Variants in SPINK9 observed in about 807,000 individuals in gnomAD.
SPINK9 encodes serine peptidase inhibitor Kazal type 9, also known as serine protease inhibitor Kazal-type 9.
In SPINK9, 3 loss-of-function variants were observed where a neutral mutation model predicts 10.8. That is an observed-to-expected ratio of 0.28 (90% CI 0.13 to 0.72). SPINK9 has a LOEUF of 0.72. Ranked by LOEUF, SPINK9 falls within the 30% of genes least tolerant of loss-of-function variation. The pLI, the probability that SPINK9 is intolerant of heterozygous loss-of-function variation, is 0.74. For missense variants in SPINK9, 101 were observed against 103.2 expected, an observed-to-expected ratio of 0.98 and a Z score of 0.09; for synonymous variants, 30 against 31.2, an observed-to-expected ratio of 0.96 and a Z score of 0.12.
At chr5:148,325,241 G>A (rs1205369741) in intron 2 of SPINK9, among the ~76,000 whole-genome samples, 1 of 152,030 alleles carries the variant, frequency 6.6e-6, no homozygotes, top group Admixed American at 6.6e-5. Flanking sequence ...GTACATTCAT[G>A]TACAAGTTTT....
At position 148,338,581 on chromosome 5, in the gene SPINK9, A is replaced by T; in HGVS notation, c.191A>T (p.Asp64Val). ...CGSDGKTYKN[D>V]CFFCSKVKKT... ...TCTGATGGCAAAACTTATAAAAATG[A>T]TTGCTTCTTCTGTTCTAAAGTTAAG... is the stretch of plus-strand genomic sequence containing the variant. The change falls in exon 3 of 4, where the codon GAT becomes GTT. Residue 64 changes from aspartate (D) to valine (V), a missense_variant. Asp to Val is a radical substitution (Grantham distance 152, BLOSUM62 -3). Transcript: ENST00000377906. 6.3e-7 allele frequency: 1 copy of T among 1,594,516 alleles called. No homozygotes were observed. The highest frequency in any genetic ancestry group is 8.6e-7 in the Non-Finnish European group (1 of 1,164,554).
chr5:148,321,630 T>C lies in SPINK9; in HGVS notation c.-73+230T>C, dbSNP rs148422916. Among the ~76,000 whole-genome samples the C allele has an allele frequency of 7.9e-5, 12 of 152,204 alleles. No individual in the cohort carries two copies. The East Asian group carries it at 2.3e-3, about 29-fold the overall frequency. On this transcript the variant is annotated intron_variant, in intron 1 of 4. Coordinates refer to the SPINK9 transcript ENST00000511717. ...ATGCCACCCTGATTTTCAACATCAG[T>C]ATGGTATCATTGACTTAAAATCTAG...
intron 2 of SPINK9, among the ~76,000 whole-genome samples, chr5:148,329,384 ATTC>A (rs1367009187): frequency 6.7e-6 from 1 of 150,330 alleles, no homozygotes; most frequent in Admixed American, 6.6e-5. Flanking sequence ...CATCTATTTG[ATTC>A]TTCTCTCTTT....
At chr5:148,339,617 A>T (rs1399492031) in intron 3 of SPINK9, 50 bp from the exon 4 acceptor site, 1 of 1,543,162 alleles carries the variant, frequency 6.5e-7, no homozygotes, top group South Asian at 1.1e-5. Context: ...ATGCTAATGA[A>T]ATGCCTATGG....
At chr5:148,327,292 C>A (rs1490067889) in intron 2 of SPINK9, among the ~76,000 whole-genome samples, 1 of 152,176 alleles carries the variant, frequency 6.6e-6, no homozygotes, top group East Asian at 1.9e-4. Flanking sequence ...TGTTTTTTGG[C>A]CGCATAAATG....
chr5:148,328,353 G>T (rs1212170388), intron 2 of SPINK9, among the ~76,000 whole-genome samples: 13 of 152,160 alleles, frequency 8.5e-5, no homozygotes, highest in Admixed American at 8.5e-4. Context: ...TATTGATTTT[G>T]CATCCTGAGA....
At chr5:148,326,848 A>C (rs924686904) in intron 2 of SPINK9, among the ~76,000 whole-genome samples, 1 of 151,590 alleles carries the variant, frequency 6.6e-6, no homozygotes, top group South Asian at 2.1e-4. Flanking sequence ...TGAACTCATC[A>C]TTTTTTATGG....
chr5:148,337,957 A>C (rs1299699445), intron 2 of SPINK9, among the ~76,000 whole-genome samples: 1 of 152,176 alleles, frequency 6.6e-6, no homozygotes, highest in East Asian at 1.9e-4. Flanking sequence ...ATTAAGATAT[A>C]TTCATCTATG....
chr5:148,334,889 T>C (rs767351114), upstream of SPINK9, among the ~76,000 whole-genome samples: 2 of 152,162 alleles, frequency 1.3e-5, no homozygotes, highest in Non-Finnish European at 2.9e-5. Context: ...AAATAGCTTG[T>C]ACAAGGTCAC....
upstream of SPINK9, among the ~76,000 whole-genome samples, chr5:148,332,535 A>G (rs1310732502): frequency 1.3e-5 from 2 of 152,248 alleles, no homozygotes; most frequent in Non-Finnish European, 2.9e-5. Flanking sequence ...CTGGAAGATT[A>G]TAATTGGAAA....
chr5:148,338,695 T>C (rs1757250237), intron 3 of SPINK9, 90 bp downstream of exon 3: 7 of 999,756 alleles, frequency 7.0e-6, no homozygotes, highest in African/African-American at 6.6e-5. Flanking sequence ...CTAAGGAATA[T>C]GTGAATCATA....
Position 148,325,075 on chromosome 5 carries a change from T to C in SPINK9, c.118+1207T>C, listed in dbSNP as rs1757042342. Among the ~76,000 whole-genome samples, 8 of 152,246 alleles carry C rather than the reference T, an allele frequency of 5.3e-5. No homozygotes were observed. The South Asian group carries it at 1.7e-3, about 32-fold the overall frequency. On this transcript the variant is annotated intron_variant, in intron 2 of 4. Coordinates refer to the SPINK9 transcript ENST00000511717. ...GGCTTCTTTTACTTAGCATTAAGTTTTCAAGGTTAATCCATGTTGTGGCAT... is the reference window on the plus strand; with the variant it reads ...GGCTTCTTTTACTTAGCATTAAGTTCTCAAGGTTAATCCATGTTGTGGCAT...
intron 2 of SPINK9, among the ~76,000 whole-genome samples, chr5:148,324,293 T>C (rs532950300): frequency 7.9e-5 from 12 of 152,262 alleles, no homozygotes; most frequent in South Asian, 4.1e-4. Context: ...CATTAAAACA[T>C]GGCCTATTGA....
chr5:148,332,082 T>G (rs1287488904), upstream of SPINK9, among the ~76,000 whole-genome samples: 1 of 152,232 alleles, frequency 6.6e-6, no homozygotes, highest in Non-Finnish European at 1.5e-5. Flanking sequence ...AGAGTACATA[T>G]GAAGTTCTTT....
intron 2 of SPINK9, 103 bp from the exon 3 acceptor site, chr5:148,338,375 A>C: frequency 1.0e-6 from 1 of 1,001,146 alleles, no homozygotes; most frequent in Non-Finnish European, 1.4e-6. Flanking sequence ...AATTGTAATA[A>C]GAAACATGCA....
chr5:148,331,300 G>T (rs1202472718), upstream of SPINK9, among the ~76,000 whole-genome samples: 3 of 152,206 alleles, frequency 2.0e-5, no homozygotes, highest in African/African-American at 7.2e-5. Flanking sequence ...TTAAAAGAAG[G>T]ATATTCTGTC....
intron 1 of SPINK9, among the ~76,000 whole-genome samples, chr5:148,322,574 C>T (rs1371490443): frequency 6.6e-6 from 1 of 152,146 alleles, no homozygotes; most frequent in Non-Finnish European, 1.5e-5. Context: ...AATACTATTT[C>T]CAGAGTTTTA....
At chr5:148,327,619 T>C (rs1189500745) in intron 2 of SPINK9, among the ~76,000 whole-genome samples, 1 of 152,094 alleles carries the variant, frequency 6.6e-6, no homozygotes, top group Admixed American at 6.5e-5. Context: ...GGTTTTCTTC[T>C]AGGGTTTTTA....
At position 148,335,586 on chromosome 5, in the gene SPINK9, A is replaced by C. The variant is rs375732670; in HGVS notation, c.-28A>C. The C allele has an allele frequency of 1.2e-6, 2 of 1,612,026 alleles. No individual in the cohort carries two copies. The highest frequency in any genetic ancestry group is 2.7e-5 in the African/African-American group (2 of 74,886). On this transcript the variant is annotated 5_prime_UTR_variant, in exon 1 of 4. Coordinates refer to ENST00000377906, the MANE Select transcript of SPINK9 (RefSeq NM_001040433.2). The stretch of plus-strand genomic sequence containing the variant: ...ACACCAGGTCACTTCTTTTCCCTAC[A>C]TCTGACTGCCTTGGCCACTTCAGTA...
Sources: allele counts gnomAD v4.1 joint callset (sites outside exome capture counted in the v4.1 genomes callset), GRCh38; gene constraint gnomAD v4.1.1; transcripts MANE v1.5; gene names NCBI Gene and HGNC (gene_info 2026-07-23, HGNC 2026-07-21).